The following TMEM178B variants were observed in gnomAD, a reference collection of about 807,000 sequenced individuals.
TMEM178B encodes the protein transmembrane protein 178B.
A neutral mutation model predicts 31.0 loss-of-function variants in TMEM178B; 5 were observed. The ratio of observed to expected loss-of-function variants is 0.16; its 90% confidence interval spans 0.08 to 0.34. The LOEUF is 0.34. Ranked by LOEUF, TMEM178B falls within the 10% of genes least tolerant of loss-of-function variation. TMEM178B has a pLI of 1.00. For synonymous variants in TMEM178B, 164 were observed against 164.0 expected (o/e 1.00, Z 0.00); for missense variants, 275 against 400.3 (o/e 0.69, Z 2.67).
intron 2 of TMEM178B, among the ~76,000 whole-genome samples, chr7:141,359,299 C>A (rs1799877099): frequency 6.6e-6 from 1 of 152,158 alleles, no homozygotes; most frequent in Non-Finnish European, 1.5e-5. Flanking sequence ...GCACGGTGTC[C>A]TCTTTGTAGT....
rs183207115 is a variant in TMEM178B at position 141,196,416 on chromosome 7, G to A, written c.383-16175G>A. 1.4e-3 allele frequency among the ~76,000 whole-genome samples: 212 copies of A among 152,290 alleles called. 1 individual carries two copies. Among genetic ancestry groups the A allele is most frequent in the East Asian group, 1.9e-3 (10 of 5,186 alleles). ...TCTACTTGATTTTGTCAAGTGTTTGGAACAACTTGTATTCTAAATAACAGT... is the reference window on the plus strand; with the variant it reads ...TCTACTTGATTTTGTCAAGTGTTTGAAACAACTTGTATTCTAAATAACAGT... On this transcript the variant is annotated intron_variant, in intron 1 of 3. Coordinates refer to ENST00000565468, the MANE Select transcript of TMEM178B (RefSeq NM_001195278.2).
intron 1 of TMEM178B, among the ~76,000 whole-genome samples, chr7:141,209,924 G>A (rs1377227314): frequency 6.6e-6 from 1 of 152,198 alleles, no homozygotes; most frequent in Non-Finnish European, 1.5e-5. Context: ...GAAGGCTGGG[G>A]CCTGAAGGGA....
chr7:141,302,327 A>C (rs217031), intron 2 of TMEM178B, among the ~76,000 whole-genome samples: 1 of 152,204 alleles, frequency 6.6e-6, no homozygotes, highest in Non-Finnish European at 1.5e-5. Flanking sequence ...AGTGACATAA[A>C]TTAGTCACAA....
At chr7:141,365,754 C>T (rs1799992872) in intron 2 of TMEM178B, among the ~76,000 whole-genome samples, 1 of 152,134 alleles carries the variant, frequency 6.6e-6, no homozygotes, top group Non-Finnish European at 1.5e-5. Context: ...ATAAAGATAC[C>T]AGTCATATTG....
At chr7:141,215,337 A>ATTATTATTATTATTTTTT (rs55726735) in intron 2 of TMEM178B, among the ~76,000 whole-genome samples, 3 of 141,488 alleles carry the variant, frequency 2.1e-5, no homozygotes, top group Non-Finnish European at 3.1e-5. Context: ...TATTATTATT[A>ATTATTATTATTATTTTTT]TTTTTTGAGA....
At chr7:141,140,593 G>T (rs1172999315) in intron 1 of TMEM178B, among the ~76,000 whole-genome samples, 1 of 152,174 alleles carries the variant, frequency 6.6e-6, no homozygotes, top group African/African-American at 2.4e-5. Context: ...GTTTTTACCA[G>T]ATGTCCTTTT....
intron 2 of TMEM178B, among the ~76,000 whole-genome samples, chr7:141,279,225 G>GA (rs1029723345): frequency 6.6e-6 from 1 of 151,974 alleles, no homozygotes; most frequent in Non-Finnish European, 1.5e-5. Context: ...AAAGCAAAAT[G>GA]AAAAAAAGTA....
chr7:141,438,986 C>T (rs1801607241), intron 3 of TMEM178B, among the ~76,000 whole-genome samples: 1 of 152,066 alleles, frequency 6.6e-6, no homozygotes, highest in Admixed American at 6.6e-5. Flanking sequence ...AGCAAACACC[C>T]AACTCAGGTC....
At chr7:141,285,986 A>G (rs1366745199) in intron 2 of TMEM178B, among the ~76,000 whole-genome samples, 2 of 152,148 alleles carry the variant, frequency 1.3e-5, no homozygotes, top group Non-Finnish European at 2.9e-5. Flanking sequence ...AGAAATACCT[A>G]ATGTAGATGA....
intron 3 of TMEM178B, among the ~76,000 whole-genome samples, chr7:141,449,511 G>A (rs1194267355): frequency 6.6e-6 from 1 of 152,214 alleles, no homozygotes; most frequent in South Asian, 2.1e-4. Context: ...GTACTACAGG[G>A]TCTAGAGCCT....
At chr7:141,235,754 G>A (rs1425484224) in intron 2 of TMEM178B, among the ~76,000 whole-genome samples, 1 of 152,224 alleles carries the variant, frequency 6.6e-6, no homozygotes, top group East Asian at 1.9e-4. Flanking sequence ...ACATGATGGA[G>A]AGGATACTCC....
At chr7:141,340,556 T>A (rs1799499167) in intron 2 of TMEM178B, among the ~76,000 whole-genome samples, 1 of 152,206 alleles carries the variant, frequency 6.6e-6, no homozygotes, top group Non-Finnish European at 1.5e-5. Context: ...GTCGCCTATA[T>A]CAAGAGATAT....
At chr7:141,397,456 C>T (rs1432267951) in intron 2 of TMEM178B, among the ~76,000 whole-genome samples, 2 of 152,162 alleles carry the variant, frequency 1.3e-5, no homozygotes, top group African/African-American at 2.4e-5. Context: ...GAGCCACCAG[C>T]CTCCAACTTA....
chr7:141,506,676 T>G, the TMEM178B span, among the ~76,000 whole-genome samples: 1 of 152,108 alleles, frequency 6.6e-6, no homozygotes, highest in African/African-American at 2.4e-5. Flanking sequence ...CCCTCCCAAA[T>G]CTTATGTCCT....
chr7:141,275,604 A>G (rs971484065), intron 2 of TMEM178B, among the ~76,000 whole-genome samples: 3 of 152,210 alleles, frequency 2.0e-5, no homozygotes, highest in African/African-American at 7.2e-5. Flanking sequence ...GATTGTTAGT[A>G]TCTGAAAGCA....
intron 2 of TMEM178B, among the ~76,000 whole-genome samples, chr7:141,305,052 A>G (rs555128975): frequency 4.6e-5 from 7 of 152,280 alleles, no homozygotes; most frequent in Admixed American, 1.3e-4. Context: ...GTCCTATGCT[A>G]TTGCCAGATT....
chr7:141,095,570 A>G lies in TMEM178B; in HGVS notation c.382+20878A>G, dbSNP rs957373924. On this transcript the variant is annotated intron_variant, in intron 1 of 3. Coordinates refer to ENST00000565468, the MANE Select transcript of TMEM178B (RefSeq NM_001195278.2). ...ATCCCAGTACATAGGCTTATTGAAT[A>G]GATTGCTCTCCTCCATAATCTTTGG... is the stretch of plus-strand genomic sequence containing the variant. Among the ~76,000 whole-genome samples, 5 of 152,330 alleles carry G rather than the reference A, an allele frequency of 3.3e-5. No homozygotes were observed. In the East Asian group the frequency reaches 9.6e-4, roughly 29 times the overall value.
chr7:141,248,861 A>C (rs1797783101), intron 2 of TMEM178B, among the ~76,000 whole-genome samples: 1 of 152,186 alleles, frequency 6.6e-6, no homozygotes. Flanking sequence ...TTCTTTCTGC[A>C]ATAATAAATT....
Position 141,438,696 on chromosome 7 carries a change from T to TAAAAAAAAAAAAAAAAAAAAAA in TMEM178B, c.634+960_634+981dup, listed in dbSNP as rs869132131. 7.2e-4 allele frequency among the ~76,000 whole-genome samples: 21 copies of TAAAAAAAAAAAAAAAAAAAAAA among 29,004 alleles called. 6 individuals are homozygous for TAAAAAAAAAAAAAAAAAAAAAA. Among genetic ancestry groups the TAAAAAAAAAAAAAAAAAAAAAA allele is most frequent in the Non-Finnish European group, 1.3e-3 (16 of 12,764 alleles). The allele number at this position is 29,004 out of a possible 152,430, so 19.0% of individuals were successfully genotyped here. On this transcript the variant is annotated intron_variant, in intron 3 of 3. Coordinates refer to ENST00000565468, the MANE Select transcript of TMEM178B (RefSeq NM_001195278.2). Reference sequence around the variant, plus strand: ...CAGCTTGGTAAAACCCCGTCTCTACTAAAAAAAAAAAAAAAAAAAAAAAAA... The same window carrying TAAAAAAAAAAAAAAAAAAAAAA: ...CAGCTTGGTAAAACCCCGTCTCTACTAAAAAAAAAAAAAAAAAAAAAAAAAAAAAAAAAAAAAAAAAAAAAAA...
Sources: allele counts gnomAD v4.1 joint callset (sites outside exome capture counted in the v4.1 genomes callset), GRCh38; gene constraint gnomAD v4.1.1; transcripts MANE v1.5; gene names NCBI Gene and HGNC (gene_info 2026-07-23, HGNC 2026-07-21).